HECTD4: variants seen among roughly 807,000 people sequenced by gnomAD.
HECTD4 encodes HECT domain E3 ubiquitin protein ligase 4, also known as probable E3 ubiquitin-protein ligase HECTD4.
A neutral mutation model predicts 471.5 loss-of-function variants in HECTD4; 114 were observed. The observed-to-expected ratio is 0.24, with a 90% confidence interval of 0.21 to 0.28. The LOEUF is 0.28. Among genes scored for constraint, HECTD4 ranks in the 10% least tolerant of loss-of-function variants. The pLI, the probability that HECTD4 is intolerant of heterozygous loss-of-function variation, is 1.00. For missense variants in HECTD4, 3,866 were observed against 5,651.5 expected, an observed-to-expected ratio of 0.68 and a Z score of 10.13; for synonymous variants, 2,012 against 2,256.0, an observed-to-expected ratio of 0.89 and a Z score of 3.07.
At position 112,248,168 on chromosome 12, in the gene HECTD4, C is replaced by T; in HGVS notation, c.4147G>A (p.Val1383Ile). 6.2e-7 allele frequency: 1 copy of T among 1,611,470 alleles called. No individual in the cohort carries two copies. The highest frequency in any genetic ancestry group is 8.5e-7 in the Non-Finnish European group (1 of 1,178,328). The change falls in exon 27 of 76, where the codon GTT becomes ATT. Residue 1383 changes from valine (V) to isoleucine (I), a missense_variant. Physicochemically the swap from Val to Ile is conservative, Grantham distance 29. Transcript: ENST00000682272. ...LNAMERQLQS[V>I]AELEQKWQSE... Reference sequence around the variant, plus strand: ...TGCCATTTTTGTTCCAGTTCTGCAACACTCTAATAAATACATTAAAATAGA... The same window carrying T: ...TGCCATTTTTGTTCCAGTTCTGCAATACTCTAATAAATACATTAAAATAGA...
At chr12:112,199,098 T>C (rs1593921204) in intron 55 of HECTD4, among the ~76,000 whole-genome samples, 1 of 152,204 alleles carries the variant, frequency 6.6e-6, no homozygotes, top group East Asian at 1.9e-4. Context: ...GGAGCCCTGC[T>C]GTGGGACATT....
chr12:112,246,578 T>C (rs903694107), intron 29 of HECTD4, among the ~76,000 whole-genome samples: 1 of 152,124 alleles, frequency 6.6e-6, no homozygotes, highest in Non-Finnish European at 1.5e-5. Context: ...GAGGTTTCGG[T>C]GAGCCAAGAT....
intron 1 of HECTD4, among the ~76,000 whole-genome samples, chr12:112,351,100 G>A (rs1321233497): frequency 6.6e-6 from 1 of 152,098 alleles, no homozygotes; most frequent in African/African-American, 2.4e-5. Flanking sequence ...TTGGGTAAGG[G>A]TTTATTTCCC....
At position 112,193,797 on chromosome 12, in the gene HECTD4, G is replaced by A; in HGVS notation, c.8750-123C>T. On this transcript the variant is annotated intron_variant, in intron 56 of 75. Transcript: ENST00000682272. The surrounding 1 kb of genome is among the most constrained non-coding windows in gnomAD (Gnocchi z 5.2). ...CAGATGGGAGGGTTATCCTGGATAT[G>A]ATGTCCTGGATAACAGATGCCGGCA... is the stretch of plus-strand genomic sequence containing the variant. 1.2e-6 allele frequency: 1 copy of A among 802,440 alleles called. No homozygotes were observed. The highest frequency in any genetic ancestry group is 2.0e-6 in the Non-Finnish European group (1 of 490,592). 49.7% of individuals were successfully genotyped at this position (802,440 alleles called of 1,614,324 possible). A position where few individuals can be genotyped will look rare whatever the true frequency, so the allele number is the denominator to read the frequency against.
chr12:112,189,894 C>T (rs1046433057), intron 60 of HECTD4, among the ~76,000 whole-genome samples: 1 of 152,132 alleles, frequency 6.6e-6, no homozygotes, highest in African/African-American at 2.4e-5. Context: ...GCTGGGACTA[C>T]AGGCATGCAC....
At position 112,184,093 on chromosome 12, in the gene HECTD4, TA is replaced by T; in HGVS notation, c.10779+93del. 7.9e-7 allele frequency: 1 copy of T among 1,264,416 alleles called. No individual in the cohort carries two copies. 78.3% of individuals were successfully genotyped at this position (1,264,416 alleles called of 1,614,324 possible). A position where few individuals can be genotyped will look rare whatever the true frequency, so the allele number is the denominator to read the frequency against. ...AGGGAGCCCCCAACCGCTCCACCATTACCTACTAGGAAATAACTTTGGAAGA... is the reference window on the plus strand; with the variant it reads ...AGGGAGCCCCCAACCGCTCCACCATTCCTACTAGGAAATAACTTTGGAAGA... On this transcript the variant is annotated intron_variant, in intron 61 of 75. Coordinates refer to ENST00000682272, the MANE Select transcript of HECTD4 (RefSeq NM_001388303.1). This position sits in a 1 kb window ranked among gnomAD's most constrained non-coding sequence, Gnocchi z 9.1.
At position 112,284,840 on chromosome 12, in the gene HECTD4, C is replaced by CT. The variant is rs543045322; in HGVS notation, c.1336-1539dup. On this transcript the variant is annotated intron_variant, in intron 7 of 75. Transcript: ENST00000682272. ...AAGCCTGGTTTGTTTCTTTTTGTTT[C>CT]TTTTTTTTGAGACAGGGTCTTGCTC... Among the ~76,000 whole-genome samples the CT allele has an allele frequency of 7.9e-4, 119 of 151,556 alleles. 2 individuals are homozygous for CT. In the South Asian group the frequency reaches 0.024, roughly 31 times the overall value.
intron 58 of HECTD4, 108 bp from the exon 59 acceptor site, chr12:112,192,873 T>C (rs2032128862): frequency 8.3e-7 from 1 of 1,211,682 alleles, no homozygotes; most frequent in African/African-American, 1.5e-5. Context: ...TGGGCCCAAG[T>C]CATTTCCACC....
intron 7 of HECTD4, among the ~76,000 whole-genome samples, chr12:112,292,570 A>AGGAGATGT (rs2034910463): frequency 6.6e-6 from 1 of 152,170 alleles, no homozygotes; most frequent in Admixed American, 6.5e-5. Context: ...GGCCCTTTGT[A>AGGAGATGT]ATGTAGGAGA....
intron 64 of HECTD4, 61 bp from the exon 65 acceptor site, chr12:112,176,763 TACAC>T (rs1200413993): frequency 2.5e-6 from 3 of 1,217,200 alleles, no homozygotes; most frequent in Non-Finnish European, 3.7e-6. Context: ...CGATAGGAAA[TACAC>T]AGCCTCATAG....
chr12:112,243,709 G>A lies in HECTD4; in HGVS notation c.4702C>T (p.Leu1568=). The change falls in exon 31 of 76, where the codon CTG becomes TTG. Residue 1568 remains leucine, a synonymous_variant. Coordinates refer to ENST00000682272, the MANE Select transcript of HECTD4 (RefSeq NM_001388303.1). The surrounding 1 kb of genome is among the most constrained non-coding windows in gnomAD (Gnocchi z 6.6). The part of the protein sequence containing the change: ...RSSSFTLLQS[L]AIEDSRDKPT... ...TTGTCCCTGCTGTCCTCAATGGCCA[G>A]CGACTGCAGGAGTGTAAAGGAGCTG... 1 of 1,613,954 alleles carries A rather than the reference G, an allele frequency of 6.2e-7. No individual in the cohort carries two copies. The highest frequency in any genetic ancestry group is 1.1e-5 in the South Asian group (1 of 91,072).
chr12:112,264,973 C>G (rs903345930), intron 16 of HECTD4, among the ~76,000 whole-genome samples: 1 of 152,188 alleles, frequency 6.6e-6, no homozygotes, highest in Admixed American at 6.5e-5. Context: ...CCATGTTGGT[C>G]AGACTGGTCT....
intron 1 of HECTD4, among the ~76,000 whole-genome samples, chr12:112,327,924 A>G (rs1278649047): frequency 1.3e-5 from 2 of 152,156 alleles, no homozygotes; most frequent in East Asian, 3.8e-4. Context: ...TCAATTTCCA[A>G]AAGGAAATGA....
rs1593974139 is a variant in HECTD4 at position 112,248,374 on chromosome 12, A to G, written c.4089T>C (p.Cys1363=). 1 of 1,610,458 alleles carries G rather than the reference A, an allele frequency of 6.2e-7. No individual in the cohort carries two copies. Among genetic ancestry groups the G allele is most frequent in the Non-Finnish European group, 8.5e-7 (1 of 1,177,942 alleles). ...TCTTAAAGGTCTCTCCCATAATTTT[A>G]CATAATAAATCATATTCTTCAGCAT... ...EEHAEEYDLL[C]KIMGETFKKL... Residue 1363 remains cysteine (C), a synonymous_variant, in exon 26 of 76, where the codon TGT becomes TGC. Transcript: ENST00000682272.
At chr12:112,165,248 A>G in intron 72 of HECTD4, among the ~76,000 whole-genome samples, 1 of 146,386 alleles carries the variant, frequency 6.8e-6, no homozygotes, top group Non-Finnish European at 1.5e-5. Context: ...AGCAATCTGG[A>G]TCAGAGGCCT....
At chr12:112,372,256 C>T (rs895065095) in intron 1 of HECTD4, among the ~76,000 whole-genome samples, 1 of 151,256 alleles carries the variant, frequency 6.6e-6, no homozygotes, top group African/African-American at 2.4e-5. Flanking sequence ...AACCACGCCC[C>T]GCTAATTTTT....
intron 13 of HECTD4, among the ~76,000 whole-genome samples, chr12:112,267,946 A>G (rs1306017031): frequency 6.6e-6 from 1 of 152,130 alleles, no homozygotes; most frequent in Non-Finnish European, 1.5e-5. Context: ...TCAGTCTCCC[A>G]AATAGCTGGG....
chr12:112,332,822 A>AC (rs1306332886), intron 1 of HECTD4, among the ~76,000 whole-genome samples: 3 of 151,992 alleles, frequency 2.0e-5, no homozygotes, highest in East Asian at 1.9e-4. Context: ...AAAAAAAAAA[A>AC]ACAAAAATCC....
At position 112,231,767 on chromosome 12, in the gene HECTD4, T is replaced by A. The variant is rs1181831893; in HGVS notation, c.5998-52A>T. 12 of 1,475,034 alleles carry A rather than the reference T, an allele frequency of 8.1e-6. No homozygotes were observed. In the African/African-American group the frequency reaches 1.5e-4, roughly 19 times the overall value. 91.4% of individuals were successfully genotyped at this position (1,475,034 alleles called of 1,614,324 possible). ...AGATTCATTTCAGTCTTCCCAGCAC[T>A]ATATTTTTCAAGTCTATTTCCCCTC... is the stretch of plus-strand genomic sequence containing the variant. On this transcript the variant is annotated intron_variant, in intron 38 of 75. Coordinates refer to ENST00000682272, the MANE Select transcript of HECTD4 (RefSeq NM_001388303.1).
Sources: allele counts gnomAD v4.1 joint callset (sites outside exome capture counted in the v4.1 genomes callset), GRCh38; gene constraint gnomAD v4.1.1; non-coding constraint Gnocchi (gnomAD v3.1); transcripts MANE v1.5; gene names NCBI Gene and HGNC (gene_info 2026-07-23, HGNC 2026-07-21).